Variants in GABRB3 observed in about 807,000 individuals in gnomAD.
GABRB3 encodes gamma-aminobutyric acid type A receptor subunit beta3, also known as gamma-aminobutyric acid receptor subunit beta-3.
Under a neutral mutation model 52.1 loss-of-function variants are expected in GABRB3, and 14 were observed. The observed-to-expected ratio is 0.27, with a 90% CI of 0.18 to 0.42. The LOEUF is 0.42. Among genes scored for constraint, GABRB3 ranks in the 10% least tolerant of loss-of-function variants. The probability of loss-of-function intolerance (pLI) is 1.00; values close to 1 mark genes in which losing one functional copy is unlikely to be tolerated. For missense variants in GABRB3, 307 were observed against 609.1 expected (o/e 0.50, Z 5.22); for synonymous variants, 260 against 232.3 (o/e 1.12, Z -1.08).
intron 3 of GABRB3, among the ~76,000 whole-genome samples, chr15:26,745,535 T>C (rs945437382): frequency 1.3e-5 from 2 of 152,144 alleles, no homozygotes; most frequent in African/African-American, 4.8e-5. Context: ...AATTTTATCA[T>C]AGGCGTAGAT....
intron 4 of GABRB3, among the ~76,000 whole-genome samples, chr15:26,602,297 C>T (rs1583222): frequency 0.8 from 121,774 of 152,100 alleles, 50,490 homozygotes; most frequent in East Asian, 0.96. Flanking sequence ...GATAGGCGTC[C>T]TTACAGAAAT....
At chr15:26,669,478 T>C (rs1887820628) in intron 3 of GABRB3, among the ~76,000 whole-genome samples, 1 of 152,154 alleles carries the variant, frequency 6.6e-6, no homozygotes, top group Non-Finnish European at 1.5e-5. Context: ...AACATGGTAA[T>C]ATTATCATTT....
Position 26,772,779 on chromosome 15 carries a change from G to C in GABRB3, c.81-7C>G, listed in dbSNP as rs776511065. 4.5e-6 allele frequency: 7 copies of C among 1,542,308 alleles called. No individual in the cohort carries two copies. Among genetic ancestry groups the C allele is most frequent in the Non-Finnish European group, 6.1e-6 (7 of 1,143,050 alleles). ...GTTCCCGGGATCGTTCACACTGGGG[G>C]AGGGACGGGGAGCACAAAGAGCGGG... On this transcript the variant is annotated splice_polypyrimidine_tract_variant and splice_region_variant and intron_variant, in intron 1 of 8. Transcript: ENST00000311550.
In GABRB3 at chr15:26,621,618, A is replaced by G; in HGVS notation, c.241-84T>C. The G allele has an allele frequency of 2.8e-6, 3 of 1,064,818 alleles. No individual in the cohort carries two copies. Among genetic ancestry groups the G allele is most frequent in the Non-Finnish European group, 4.3e-6 (3 of 703,464 alleles). 66.0% of individuals were successfully genotyped at this position (1,064,818 alleles called of 1,614,324 possible). On this transcript the variant is annotated intron_variant, in intron 3 of 8. Coordinates refer to ENST00000311550, the MANE Select transcript of GABRB3 (RefSeq NM_000814.6). This position sits in a 1 kb window ranked among gnomAD's most constrained non-coding sequence, Gnocchi z 4.1. ...CCACGACCAGCCAAATTCAGGTTGC[A>G]ATCTAGGCTCTACAGTGAATAACCA...
At chr15:26,580,158 C>G (rs1890734900) in intron 6 of GABRB3, among the ~76,000 whole-genome samples, 161 bp downstream of exon 6, 1 of 152,200 alleles carries the variant, frequency 6.6e-6, no homozygotes, top group Admixed American at 6.5e-5. Context: ...CTATCACTCT[C>G]CTTTAGATAC....
At chr15:26,757,360 T>C (rs1213420922) in intron 3 of GABRB3, among the ~76,000 whole-genome samples, 2 of 152,168 alleles carry the variant, frequency 1.3e-5, no homozygotes, top group Non-Finnish European at 2.9e-5. Context: ...ATTCCTTGCC[T>C]GGCGCGCTCC....
chr15:26,772,932 C>T lies in GABRB3; in HGVS notation c.31G>A (p.Gly11Ser), dbSNP rs1158134414. Residue 11 changes from glycine to serine, a missense_variant, in exon 1 of 9, where the codon GGC becomes AGC. Coordinates refer to ENST00000311550, the MANE Select transcript of GABRB3 (RefSeq NM_000814.6). MWGLAGGRLFGIFSAPVLVAV... is the reference protein window; with the variant it reads MWGLAGGRLFSIFSAPVLVAV... ...ACCAGCACCGGGGCCGAGAAGATGCCGAAAAGCCTTCCTCCCGCAAGGCCC... is the reference window on the plus strand; with the variant it reads ...ACCAGCACCGGGGCCGAGAAGATGCTGAAAAGCCTTCCTCCCGCAAGGCCC... 2.7e-6 allele frequency: 4 copies of T among 1,489,266 alleles called. No homozygotes were observed. Among genetic ancestry groups the T allele is most frequent in the East Asian group, 2.9e-5 (1 of 33,990 alleles). 92.3% of individuals were successfully genotyped at this position (1,489,266 alleles called of 1,614,324 possible).
At position 26,680,971 on chromosome 15, in the gene GABRB3, A is replaced by G. The variant is rs151159006; in HGVS notation, c.241-59437T>C. On this transcript the variant is annotated intron_variant, in intron 3 of 8. Coordinates refer to ENST00000311550, the MANE Select transcript of GABRB3 (RefSeq NM_000814.6). The stretch of plus-strand genomic sequence containing the variant: ...CCTTCCTCTTGCAATTGTAGCAGCC[A>G]TGAATGCGTGCATTTTGTAAGATTA... Among the ~76,000 whole-genome samples the G allele has an allele frequency of 1.2e-4, 18 of 152,338 alleles. No individual in the cohort carries two copies. The East Asian group carries it at 3.5e-3, about 29-fold the overall frequency.
chr15:26,574,849 C>T (rs773792225), intron 6 of GABRB3, among the ~76,000 whole-genome samples: 3 of 152,172 alleles, frequency 2.0e-5, no homozygotes, highest in Admixed American at 1.3e-4. Context: ...CTAAACACCA[C>T]TGAATGTGCC....
chr15:26,606,805 T>TAGATAGATAGATATATTGATAGATAG (rs1398253433), intron 4 of GABRB3, among the ~76,000 whole-genome samples: 1 of 117,950 alleles, frequency 8.5e-6, no homozygotes, highest in Non-Finnish European at 2.0e-5. Flanking sequence ...TAGATATATC[T>TAGATAGATAGATATATTGATAGATAG]ATAGATAGAT....
At chr15:26,612,586 T>C (rs1892111019) in intron 4 of GABRB3, 1 of 152,128 alleles carries the variant, frequency 6.6e-6, no homozygotes, top group Non-Finnish European at 1.5e-5. Context: ...GTGGAGTAAA[T>C]GACAAAACTT....
chr15:26,674,013 G>T (rs928230498), intron 3 of GABRB3, among the ~76,000 whole-genome samples: 1 of 151,866 alleles, frequency 6.6e-6, no homozygotes, highest in African/African-American at 2.4e-5. Flanking sequence ...TGTTTCAGGA[G>T]TGTGTACATT....
rs1010451290 is a variant in GABRB3, at chr15:26,580,201, T to C, written c.682+118A>G. ...AGGGGTGTGTGTGATGTGTGAATGATAACAGCACTCCTTCCGATGATCCTG... is the reference window on the plus strand; with the variant it reads ...AGGGGTGTGTGTGATGTGTGAATGACAACAGCACTCCTTCCGATGATCCTG... On this transcript the variant is annotated intron_variant, in intron 6 of 8. Coordinates refer to ENST00000311550, the MANE Select transcript of GABRB3 (RefSeq NM_000814.6). The C allele has an allele frequency of 9.5e-5, 117 of 1,230,832 alleles. No homozygotes were observed. The Admixed American group carries it at 1.3e-3, about 14-fold the overall frequency. The allele number at this position is 1,230,832 out of a possible 1,614,324, so 76.2% of individuals were successfully genotyped here. A position where few individuals can be genotyped will look rare whatever the true frequency, so the allele number is the denominator to read the frequency against.
rs921839080 is a variant in GABRB3 at position 26,719,307 on chromosome 15, G to A, written c.240+53095C>T. On this transcript the variant is annotated intron_variant, in intron 3 of 8. Transcript: ENST00000311550. ...CGGACTGTTCCAGGACTCCGCACACGCACTGACAGGTATGCCTTCCTTTCC... is the reference window on the plus strand; with the variant it reads ...CGGACTGTTCCAGGACTCCGCACACACACTGACAGGTATGCCTTCCTTTCC... Among the ~76,000 whole-genome samples the A allele has an allele frequency of 3.3e-5, 5 of 152,202 alleles. No homozygotes were observed. The South Asian group carries it at 6.2e-4, about 19-fold the overall frequency.
chr15:26,589,801 AGAGT>A (rs530466830), intron 4 of GABRB3, among the ~76,000 whole-genome samples: 2 of 152,292 alleles, frequency 1.3e-5, no homozygotes, highest in East Asian at 3.9e-4. Flanking sequence ...CCACACACGC[AGAGT>A]AAGTGTCCTG....
chr15:26,700,174 G>T (rs28854534), intron 3 of GABRB3, among the ~76,000 whole-genome samples: 3,647 of 152,056 alleles, frequency 0.024, 143 homozygotes, highest in African/African-American at 0.083. Context: ...TCATTTCAGG[G>T]CCTACAGATG....
In GABRB3 at chr15:26,730,135, T is replaced by A. The variant is rs188668066; in HGVS notation, c.240+42267A>T. 2.1e-3 allele frequency among the ~76,000 whole-genome samples: 327 copies of A among 152,232 alleles called. 2 individuals carry two copies. The highest frequency in any genetic ancestry group is 7.4e-3 in the African/African-American group (308 of 41,550). ...TCAAATATTCTAAATTCCTGAGACA[T>A]CTAGCAAATATTTGTTCTTACAGTC... On this transcript the variant is annotated intron_variant, in intron 3 of 8. Coordinates refer to ENST00000311550, the MANE Select transcript of GABRB3 (RefSeq NM_000814.6).
In GABRB3 at chr15:26,545,195, T is replaced by C. The variant is rs1889184475; in HGVS notation, c.*2598A>G. The stretch of plus-strand genomic sequence containing the variant: ...TTTTTACAGAATATATGTATGTATT[T>C]GTGTGTGTGTGTGTGTGTGTGTGTG... On this transcript the variant is annotated 3_prime_UTR_variant, in exon 9 of 9. Coordinates refer to ENST00000311550, the MANE Select transcript of GABRB3 (RefSeq NM_000814.6). 1.7e-5 allele frequency: 1 copy of C among 59,816 alleles called. No individual in the cohort carries two copies. The highest frequency in any genetic ancestry group is 1.7e-4 in the Admixed American group (1 of 6,056). 3.7% of individuals were successfully genotyped at this position (59,816 alleles called of 1,614,324 possible).
intron 3 of GABRB3, among the ~76,000 whole-genome samples, chr15:26,743,913 T>A (rs1418706243): frequency 1.3e-5 from 2 of 151,926 alleles, no homozygotes; most frequent in African/African-American, 4.8e-5. Context: ...CAGATTTCTC[T>A]AAAACAAACT....
Sources: gnomAD v4.1 joint callset for allele counts (sites outside exome capture counted in the v4.1 genomes callset) on GRCh38, gnomAD v4.1.1 for gene constraint, Gnocchi (gnomAD v3.1) non-coding constraint, MANE v1.5 for transcripts, NCBI Gene and HGNC (gene_info 2026-07-23, HGNC 2026-07-21) for gene names.